Variants in PADI4 observed in about 807,000 individuals in gnomAD.
PADI4 encodes peptidyl arginine deiminase 4.
A neutral mutation model predicts 75.0 loss-of-function variants in PADI4; 62 were observed. The observed-to-expected ratio is 0.83, with a 90% CI of 0.67 to 1.02. The LOEUF is 1.02. Among genes scored for constraint, PADI4 ranks in the 50% least tolerant of loss-of-function variants. PADI4 has a pLI of 0.00. For synonymous variants in PADI4, 361 were observed against 348.1 expected (o/e 1.04, Z -0.41); for missense variants, 845 against 850.5 (o/e 0.99, Z 0.08).
chr1:17,342,279 C>A lies in PADI4; in HGVS notation c.832-20C>A. On this transcript the variant is annotated intron_variant, in intron 7 of 15. Coordinates refer to ENST00000375448, the MANE Select transcript of PADI4 (RefSeq NM_012387.3). ...GGCAGCGGTGACAGCCCCTCCTTCC[C>A]CTTACCCCCTCCCCTGCAGGAGCTC... 1 of 1,537,790 alleles carries A rather than the reference C, an allele frequency of 6.5e-7. No homozygotes were observed. The highest frequency in any genetic ancestry group is 9.0e-7 in the Non-Finnish European group (1 of 1,111,126).
chr1:17,352,010 A>AGGTG (rs2074649696), intron 10 of PADI4, among the ~76,000 whole-genome samples: 1 of 16,910 alleles, frequency 5.9e-5, no homozygotes. Flanking sequence ...AGGTGATGGG[A>AGGTG]GGAGAGGCGG....
In PADI4 at chr1:17,359,394, T is replaced by A; in HGVS notation, c.1744T>A (p.Phe582Ile). 6.2e-7 allele frequency: 1 copy of A among 1,613,950 alleles called. No homozygotes were observed. The change falls in exon 15 of 16, where the codon TTT (phenylalanine) becomes ATT (isoleucine). Residue 582 changes from phenylalanine (F) to isoleucine (I), a missense_variant. Phe to Ile is a conservative substitution (Grantham distance 21). Transcript: ENST00000375448. ...CAAAGAGTTCTCTAAGGCGGAAGCT[T>A]TTTTCCCCAACATGGTGAGGAGGTG... is the stretch of plus-strand genomic sequence containing the variant. The part of the protein sequence containing the change: ...KLKEFSKAEA[F>I]FPNMVNMLVL...
intron 10 of PADI4, among the ~76,000 whole-genome samples, chr1:17,350,163 G>C (rs781633042): frequency 7.8e-6 from 1 of 128,230 alleles, no homozygotes; most frequent in Non-Finnish European, 1.8e-5. Flanking sequence ...CGTTGCCTGC[G>C]CTGCTGGGCC....
chr1:17,328,854 G>A lies in PADI4; in HGVS notation c.93-2115G>A, dbSNP rs922081392. On this transcript the variant is annotated intron_variant, in intron 1 of 15. Transcript: ENST00000375448. ...AATATTTACCATTTTATTTGTTCAC[G>A]ATTCTTTGTTGCACTTCAGACCATT... Among the ~76,000 whole-genome samples the A allele has an allele frequency of 1.6e-4, 25 of 151,590 alleles. 1 individual carries two copies. Among genetic ancestry groups the A allele is most frequent in the South Asian group, 8.3e-4 (4 of 4,812 alleles).
chr1:17,311,626 G>A (rs907184080), intron 1 of PADI4, among the ~76,000 whole-genome samples: 8 of 151,700 alleles, frequency 5.3e-5, no homozygotes, highest in Non-Finnish European at 8.8e-5. Context: ...CCGGGTTCAC[G>A]CAATTCTCCT....
At chr1:17,352,035 GGAGGA>G (rs1263546593) in intron 10 of PADI4, among the ~76,000 whole-genome samples, 42 of 81,412 alleles carry the variant, frequency 5.2e-4, no homozygotes, top group African/African-American at 2.0e-3. Context: ...GGAGGTGATG[GGAGGA>G]GAGGCAGTCA....
intron 4 of PADI4, among the ~76,000 whole-genome samples, chr1:17,336,922 C>G (rs558755982): frequency 2.0e-5 from 3 of 152,188 alleles, no homozygotes; most frequent in Admixed American, 2.0e-4. Context: ...AACGCTCTCC[C>G]GCGAAGGGAG....
intron 15 of PADI4, among the ~76,000 whole-genome samples, chr1:17,360,082 G>T (rs1199737981): frequency 6.6e-6 from 1 of 152,152 alleles, no homozygotes; most frequent in Admixed American, 6.5e-5. Flanking sequence ...TTGAGGTCAG[G>T]AGTTCGACAC....
intron 10 of PADI4, among the ~76,000 whole-genome samples, chr1:17,352,215 G>A (rs971772063): frequency 0.015 from 1,614 of 107,142 alleles, 27 homozygotes; most frequent in African/African-American, 0.037. Flanking sequence ...GTGGTAAGAG[G>A]GGTGGTCAGG....
intron 11 of PADI4, 94 bp downstream of exon 11, chr1:17,354,781 A>C: frequency 8.1e-7 from 1 of 1,241,610 alleles, no homozygotes; most frequent in Non-Finnish European, 1.1e-6. Flanking sequence ...CCTGCTTCCG[A>C]TTCTAGACAG....
Position 17,354,604 on chromosome 1 carries a change from C to A in PADI4, c.1227C>A (p.Asn409Lys), listed in dbSNP as rs897548303. 1 of 1,614,092 alleles carries A rather than the reference C, an allele frequency of 6.2e-7. No homozygotes were observed. Among genetic ancestry groups the A allele is most frequent in the Non-Finnish European group, 8.5e-7 (1 of 1,179,962 alleles). Reference sequence around the variant, plus strand: ...TCAGTGGACTGGACTCCTTTGGGAACCTGGAAGTGAGCCCCCCAGTCACAG... The same window carrying A: ...TCAGTGGACTGGACTCCTTTGGGAAACTGGAAGTGAGCCCCCCAGTCACAG... ...GGISGLDSFG[N>K]LEVSPPVTVR... Residue 409 changes from asparagine to lysine, a missense_variant, in exon 11 of 16, where the codon AAC becomes AAA. By Grantham distance (94) the Asn-to-Lys change is moderately conservative. Transcript: ENST00000375448.
intron 8 of PADI4, among the ~76,000 whole-genome samples, chr1:17,344,633 AAAAGGGG>A (rs2074482677): frequency 1.3e-5 from 2 of 152,182 alleles, no homozygotes; most frequent in African/African-American, 4.8e-5. Context: ...AGCCATGGCT[AAAAGGGG>A]CCAGTGTAGA....
intron 1 of PADI4, among the ~76,000 whole-genome samples, chr1:17,310,404 G>C (rs562689357): frequency 1.3e-5 from 2 of 152,144 alleles, no homozygotes; most frequent in Admixed American, 6.5e-5. Flanking sequence ...CCCAGACAGC[G>C]CCTCCCTCCC....
chr1:17,331,790 C>A (rs549846078), intron 2 of PADI4, among the ~76,000 whole-genome samples: 1 of 152,066 alleles, frequency 6.6e-6, no homozygotes, highest in Non-Finnish European at 1.5e-5. Flanking sequence ...TAGTGGCGAG[C>A]GCCTGTAATC....
intron 1 of PADI4, among the ~76,000 whole-genome samples, chr1:17,321,048 C>A (rs965190153): frequency 1.3e-5 from 2 of 152,174 alleles, no homozygotes; most frequent in African/African-American, 2.4e-5. Flanking sequence ...GTGTGGTCAT[C>A]TTTGGGAGAC....
At position 17,339,032 on chromosome 1, in the gene PADI4, C is replaced by G. The variant is rs72637416; in HGVS notation, c.527-656C>G. ...GGTATAAGCACTGTGTATCACCTGA[C>G]TTTATCTTCACAACCATTCTACGGT... On this transcript the variant is annotated intron_variant, in intron 5 of 15. Coordinates refer to ENST00000375448, the MANE Select transcript of PADI4 (RefSeq NM_012387.3). Among the ~76,000 whole-genome samples the G allele has an allele frequency of 7.6e-3, 1,165 of 152,308 alleles. 8 individuals are homozygous for G. Among genetic ancestry groups the G allele is most frequent in the Non-Finnish European group, 0.013 (893 of 68,022 alleles).
chr1:17,338,414 C>A (rs894136090), intron 5 of PADI4, among the ~76,000 whole-genome samples: 1 of 152,174 alleles, frequency 6.6e-6, no homozygotes, highest in Non-Finnish European at 1.5e-5. Context: ...CCATGCCTCA[C>A]CCTGCTGCCC....
chr1:17,344,078 G>T (rs1011128944), intron 8 of PADI4, among the ~76,000 whole-genome samples: 1 of 152,210 alleles, frequency 6.6e-6, no homozygotes, highest in Non-Finnish European at 1.5e-5. Context: ...TACTGATAAT[G>T]ATATGAACAA....
In PADI4 at chr1:17,346,284, G is replaced by A. The variant is rs1400461924; in HGVS notation, c.1047+145G>A. On this transcript the variant is annotated intron_variant, in intron 9 of 15. Transcript: ENST00000375448. This position sits in a 1 kb window ranked among gnomAD's most constrained non-coding sequence, Gnocchi z 4.3. Reference sequence around the variant, plus strand: ...GGAGATAGGAACCTGAGAGATCCTTGGGCCGGGAGGCTCAAGCAAGTGATT... The same window carrying A: ...GGAGATAGGAACCTGAGAGATCCTTAGGCCGGGAGGCTCAAGCAAGTGATT... 1 of 603,028 alleles carries A rather than the reference G, an allele frequency of 1.7e-6. No individual in the cohort carries two copies. Among genetic ancestry groups the A allele is most frequent in the Non-Finnish European group, 3.0e-6 (1 of 333,646 alleles). The allele number at this position is 603,028 out of a possible 1,614,324, so 37.4% of individuals were successfully genotyped here.
Sources: allele counts gnomAD v4.1 joint callset (sites outside exome capture counted in the v4.1 genomes callset), GRCh38; gene constraint gnomAD v4.1.1; non-coding constraint Gnocchi (gnomAD v3.1); transcripts MANE v1.5; gene names NCBI Gene and HGNC (gene_info 2026-07-23, HGNC 2026-07-21).